The following SLC14A2 variants were observed in gnomAD, a reference collection of about 807,000 sequenced individuals.
The protein encoded by SLC14A2 is urea transporter 2.
SLC14A2 carries 91 observed loss-of-function variants against 104.6 expected under a neutral mutation model. The observed-to-expected ratio is 0.87, with a 90% CI of 0.73 to 1.04. The LOEUF (loss-of-function observed/expected upper bound fraction) is 1.04. Among genes scored for constraint, SLC14A2 ranks in the 50% least tolerant of loss-of-function variants. The pLI, the probability that SLC14A2 is intolerant of heterozygous loss-of-function variation, is 0.00. For missense variants in SLC14A2, 1,189 were observed against 1,156.0 expected, an observed-to-expected ratio of 1.03 and a Z score of -0.41; for synonymous variants, 476 against 466.4, an observed-to-expected ratio of 1.02 and a Z score of -0.27.
rs565149932 is a variant in SLC14A2, at chr18:45,592,973, G to A, written c.-34-31658G>A. Among the ~76,000 whole-genome samples the A allele has an allele frequency of 7.2e-5, 11 of 152,276 alleles. 1 individual carries two copies. Among genetic ancestry groups the A allele is most frequent in the East Asian group, 1.9e-4 (1 of 5,174 alleles). On this transcript the variant is annotated intron_variant, in intron 2 of 20. Transcript: ENST00000586448. ...TCCAAGGGGATCCCTTGGAATCTGC[G>A]TTGTCAAACAACTAAAGATCCAAAG...
intron 1 of SLC14A2, among the ~76,000 whole-genome samples, chr18:45,267,799 G>A (rs2084607374): frequency 6.6e-6 from 1 of 152,164 alleles, no homozygotes; most frequent in East Asian, 1.9e-4. Context: ...CACTTAGATT[G>A]CAAAGGTGTT....
chr18:45,608,655 T>C (rs1485927657), intron 2 of SLC14A2, among the ~76,000 whole-genome samples: 1 of 152,224 alleles, frequency 6.6e-6, no homozygotes, highest in Non-Finnish European at 1.5e-5. Flanking sequence ...ATAACCAACT[T>C]ATCTGTCCCA....
intron 1 of SLC14A2, among the ~76,000 whole-genome samples, chr18:45,282,780 T>A (rs921105868): frequency 2.0e-5 from 3 of 152,150 alleles, no homozygotes; most frequent in African/African-American, 7.2e-5. Flanking sequence ...TGCTTTTGTT[T>A]GGTTTGCTCT....
intron 1 of SLC14A2, among the ~76,000 whole-genome samples, chr18:45,367,554 A>T (rs924545457): frequency 6.6e-6 from 1 of 152,236 alleles, no homozygotes; most frequent in Non-Finnish European, 1.5e-5. Flanking sequence ...TCAACATTTT[A>T]ATGGCCTCAT....
chr18:45,438,615 C>T (rs184119698), intron 1 of SLC14A2, among the ~76,000 whole-genome samples: 16 of 152,270 alleles, frequency 1.1e-4, no homozygotes, highest in Non-Finnish European at 1.9e-4. Flanking sequence ...AAACCTATCC[C>T]GCTAGAGGCT....
intron 1 of SLC14A2, among the ~76,000 whole-genome samples, chr18:45,461,110 C>G (rs991132659): frequency 6.6e-6 from 1 of 152,150 alleles, no homozygotes; most frequent in East Asian, 1.9e-4. Context: ...CCCTTCCACC[C>G]AATTTGCCCC....
intron 2 of SLC14A2, among the ~76,000 whole-genome samples, chr18:45,531,188 G>A (rs2043679667): frequency 6.6e-6 from 1 of 152,202 alleles, no homozygotes; most frequent in South Asian, 2.1e-4. Context: ...ATAGCAGTGT[G>A]ATTTATAATC....
chr18:45,244,850 A>G (rs1406375051), intron 1 of SLC14A2, among the ~76,000 whole-genome samples: 3 of 152,204 alleles, frequency 2.0e-5, no homozygotes, highest in South Asian at 2.1e-4. Context: ...GGAAGACCCA[A>G]TTGTCTCACA....
chr18:45,269,607 T>C (rs1452463201), intron 1 of SLC14A2, among the ~76,000 whole-genome samples: 1 of 152,186 alleles, frequency 6.6e-6, no homozygotes, highest in Non-Finnish European at 1.5e-5. Flanking sequence ...CCAGACTTTT[T>C]ACCACCTCTG....
intron 1 of SLC14A2, among the ~76,000 whole-genome samples, chr18:45,434,914 G>T (rs938410571): frequency 1.3e-5 from 2 of 152,196 alleles, no homozygotes; most frequent in African/African-American, 2.4e-5. Flanking sequence ...ACCATGGAAG[G>T]CTGGATTGAG....
At chr18:45,175,024 G>A in the SLC14A2 span, among the ~76,000 whole-genome samples, 3 of 152,114 alleles carry the variant, frequency 2.0e-5, no homozygotes, top group Admixed American at 2.0e-4. Context: ...TTGCTGGTGG[G>A]AATTTAAATG....
chr18:45,537,103 C>A, intron 2 of SLC14A2, among the ~76,000 whole-genome samples: 1 of 139,560 alleles, frequency 7.2e-6, no homozygotes, highest in Non-Finnish European at 1.5e-5. Flanking sequence ...TATTTATAGA[C>A]CACCATTATT....
At chr18:45,565,808 T>C (rs2705374) in intron 2 of SLC14A2, among the ~76,000 whole-genome samples, 142,528 of 152,252 alleles carry the variant, frequency 0.94, 66,911 homozygotes, top group Middle Eastern at 0.97. Flanking sequence ...CATCCTGTGA[T>C]GGCTGTCCTC....
At chr18:45,479,866 A>T (rs1247092391) in intron 1 of SLC14A2, among the ~76,000 whole-genome samples, 4 of 152,148 alleles carry the variant, frequency 2.6e-5, no homozygotes, top group Non-Finnish European at 5.9e-5. Flanking sequence ...CTCTGTCCGG[A>T]TGTGGCCAGG....
the SLC14A2 span, among the ~76,000 whole-genome samples, chr18:45,179,317 C>A: frequency 6.6e-6 from 1 of 152,184 alleles, no homozygotes; most frequent in Non-Finnish European, 1.5e-5. Flanking sequence ...TGTCATCGCA[C>A]TGGCTTCCCT....
At chr18:45,489,918 T>A (rs72912665) in intron 2 of SLC14A2, 1 of 152,104 alleles carries the variant, frequency 6.6e-6, no homozygotes, top group African/African-American at 2.4e-5. Flanking sequence ...TCAGCAATCC[T>A]GTGATATAGG....
intron 2 of SLC14A2, among the ~76,000 whole-genome samples, chr18:45,531,097 C>T (rs1254067602): frequency 6.6e-6 from 1 of 152,014 alleles, no homozygotes; most frequent in Non-Finnish European, 1.5e-5. Flanking sequence ...TCCAGTCTAT[C>T]ATTGTTGGAC....
At chr18:45,380,020 T>A (rs2085817293) in intron 1 of SLC14A2, among the ~76,000 whole-genome samples, 1 of 152,200 alleles carries the variant, frequency 6.6e-6, no homozygotes, top group Admixed American at 6.5e-5. Flanking sequence ...GAAAAGGATT[T>A]GAAGAGTCAA....
intron 1 of SLC14A2, among the ~76,000 whole-genome samples, chr18:45,462,044 C>G (rs2087054879): frequency 1.3e-5 from 2 of 152,114 alleles, no homozygotes; most frequent in Non-Finnish European, 2.9e-5. Context: ...AGAAACCTGG[C>G]CCTCTCCAAG....
Sources: allele counts gnomAD v4.1 joint callset (sites outside exome capture counted in the v4.1 genomes callset), GRCh38; gene constraint gnomAD v4.1.1; transcripts MANE v1.5; gene names NCBI Gene and HGNC (gene_info 2026-07-23, HGNC 2026-07-21).